Variants in HEMK2 observed in about 807,000 individuals in gnomAD.
The protein encoded by HEMK2 is methyltransferase HEMK2.
the HEMK2 span, among the ~76,000 whole-genome samples, chr21:28,689,340 A>T: frequency 6.6e-6 from 1 of 152,148 alleles, no homozygotes; most frequent in Non-Finnish European, 1.5e-5. Context: ...CAGTTCAAGA[A>T]TTTACTTTTT....
the HEMK2 span, among the ~76,000 whole-genome samples, chr21:28,654,460 G>GTGA: frequency 6.6e-6 from 1 of 151,930 alleles, no homozygotes; most frequent in African/African-American, 2.4e-5. Context: ...TTTTTTGGTG[G>GTGA]TAGAAAGGCA....
At chr21:28,640,704 C>T in the HEMK2 span, among the ~76,000 whole-genome samples, 4 of 117,494 alleles carry the variant, frequency 3.4e-5, no homozygotes, top group Non-Finnish European at 9.0e-5. Context: ...CAAAACAAAT[C>T]CAATCCTCTA....
chr21:28,608,334 A>G, the HEMK2 span, among the ~76,000 whole-genome samples: 1 of 151,778 alleles, frequency 6.6e-6, no homozygotes. Context: ...TAATTTGTAT[A>G]TTCAAGTAAA....
At chr21:28,806,146 C>T in the HEMK2 span, among the ~76,000 whole-genome samples, 22 of 152,264 alleles carry the variant, frequency 1.4e-4, no homozygotes, top group South Asian at 2.1e-4. Flanking sequence ...CCAGGAATTA[C>T]GTCTCCAGTG....
At chr21:28,602,822 G>A in the HEMK2 span, among the ~76,000 whole-genome samples, 1 of 152,230 alleles carries the variant, frequency 6.6e-6, no homozygotes. Flanking sequence ...AGCCACAGCT[G>A]GAGGGAATGA....
At chr21:28,656,873 A>T in the HEMK2 span, among the ~76,000 whole-genome samples, 1 of 152,130 alleles carries the variant, frequency 6.6e-6, no homozygotes, top group South Asian at 2.1e-4. Context: ...GATAAATTAC[A>T]TAACTCTCTG....
the HEMK2 span, among the ~76,000 whole-genome samples, chr21:28,764,052 T>C: frequency 3.5e-4 from 54 of 152,194 alleles, no homozygotes; most frequent in Admixed American, 1.4e-3. Context: ...GTGACCTACT[T>C]AGCATCACAC....
the HEMK2 span, among the ~76,000 whole-genome samples, chr21:28,860,126 C>G: frequency 6.6e-6 from 1 of 152,150 alleles, no homozygotes; most frequent in Non-Finnish European, 1.5e-5. Context: ...CTGGATGTAT[C>G]TCTGAGAGTG....
the HEMK2 span, among the ~76,000 whole-genome samples, chr21:28,783,191 A>AT: frequency 0.018 from 2,606 of 148,714 alleles, 65 homozygotes; most frequent in African/African-American, 0.06. Flanking sequence ...GCCTGAAAGA[A>AT]TTTTTTTTTT....
chr21:28,832,745 A>T, the HEMK2 span, among the ~76,000 whole-genome samples: 1 of 152,212 alleles, frequency 6.6e-6, no homozygotes. Flanking sequence ...TTTAACATAC[A>T]AGTGTTGCCC....
chr21:28,794,613 G>C, the HEMK2 span, among the ~76,000 whole-genome samples: 1 of 152,214 alleles, frequency 6.6e-6, no homozygotes, highest in East Asian at 1.9e-4. Flanking sequence ...AATAATCAAA[G>C]GCAGAAAATT....
chr21:28,631,711 C>T, the HEMK2 span, among the ~76,000 whole-genome samples: 3 of 151,824 alleles, frequency 2.0e-5, no homozygotes, highest in African/African-American at 7.3e-5. Flanking sequence ...AACAGTAAAG[C>T]CATTTTCTTG....
chr21:28,699,973 T>A, the HEMK2 span, among the ~76,000 whole-genome samples: 8 of 152,226 alleles, frequency 5.3e-5, no homozygotes, highest in East Asian at 1.5e-3. Context: ...AATAAATTTA[T>A]ACCAATTTTC....
chr21:28,693,662 T>C, the HEMK2 span, among the ~76,000 whole-genome samples: 1 of 152,214 alleles, frequency 6.6e-6, no homozygotes, highest in African/African-American at 2.4e-5. Flanking sequence ...TTTGTATTCA[T>C]AGAACATGCA....
chr21:28,730,454 C>T, the HEMK2 span, among the ~76,000 whole-genome samples: 12 of 145,110 alleles, frequency 8.3e-5, no homozygotes, highest in Admixed American at 1.4e-4. Context: ...GATCTGGGTA[C>T]GGCATGGCTT....
the HEMK2 span, among the ~76,000 whole-genome samples, chr21:28,864,817 AGACAGAT>A: frequency 3.6e-5 from 3 of 84,142 alleles, no homozygotes; most frequent in Non-Finnish European, 5.3e-5. Flanking sequence ...AAAGACAGAC[AGACAGAT>A]AGATAGATAG....
chr21:28,738,102 G>A, the HEMK2 span, among the ~76,000 whole-genome samples: 2 of 152,246 alleles, frequency 1.3e-5, no homozygotes, highest in South Asian at 2.1e-4. Context: ...ACAATTTGCC[G>A]ACACATGAGG....
chr21:28,621,367 G>T, the HEMK2 span, among the ~76,000 whole-genome samples: 161 of 152,284 alleles, frequency 1.1e-3, no homozygotes, highest in Middle Eastern at 0.017. Context: ...CCGTGTAGTT[G>T]TGTGGTTTTC....
chr21:28,670,072 G>A, the HEMK2 span, among the ~76,000 whole-genome samples: 6 of 151,996 alleles, frequency 3.9e-5, no homozygotes, highest in Non-Finnish European at 8.8e-5. Context: ...GAATATTTAG[G>A]TCATATAACA....
Sources: gnomAD v4.1 joint callset for allele counts (sites outside exome capture counted in the v4.1 genomes callset) on GRCh38, gnomAD v4.1.1 for gene constraint, MANE v1.5 for transcripts, NCBI Gene and HGNC (gene_info 2026-07-23, HGNC 2026-07-21) for gene names.